The following KIAA1328 variants were observed in gnomAD, a reference collection of about 807,000 sequenced individuals.
KIAA1328 encodes the protein KIAA1328.
In KIAA1328, 52 loss-of-function variants were observed where a neutral mutation model predicts 68.1. That is an observed-to-expected ratio of 0.76 (90% CI 0.61 to 0.96). The LOEUF is 0.96. Among genes scored for constraint, KIAA1328 ranks in the 40% least tolerant of loss-of-function variants. The pLI is 0.00. For synonymous variants in KIAA1328, 232 were observed against 239.4 expected, an observed-to-expected ratio of 0.97 and a Z score of 0.28; for missense variants, 641 against 677.6, an observed-to-expected ratio of 0.95 and a Z score of 0.60.
intron 7 of KIAA1328, among the ~76,000 whole-genome samples, chr18:37,156,198 G>A (rs1469957271): frequency 6.6e-6 from 1 of 151,896 alleles, no homozygotes; most frequent in Non-Finnish European, 1.5e-5. Flanking sequence ...CCTGAGGTCG[G>A]GAGTTCGAGA....
At chr18:36,985,084 T>C (rs1229241364) in intron 6 of KIAA1328, among the ~76,000 whole-genome samples, 1 of 151,992 alleles carries the variant, frequency 6.6e-6, no homozygotes, top group East Asian at 1.9e-4. Context: ...GGAGGATTAC[T>C]TGAGGGTAGG....
intron 6 of KIAA1328, among the ~76,000 whole-genome samples, chr18:36,971,337 A>G (rs1309575484): frequency 2.0e-5 from 3 of 152,228 alleles, no homozygotes; most frequent in Admixed American, 6.5e-5. Flanking sequence ...CTAAAACCAT[A>G]AAAACCCTAG....
chr18:37,101,248 C>A lies in KIAA1328; in HGVS notation c.1232+33703C>A, dbSNP rs190230656. Reference sequence around the variant, plus strand: ...TAAAGGAGGAAGTTCGAAGCCATGGCAAAGAAGTTAAAAACCTTGAAAAAA... The same window carrying A: ...TAAAGGAGGAAGTTCGAAGCCATGGAAAAGAAGTTAAAAACCTTGAAAAAA... On this transcript the variant is annotated intron_variant, in intron 7 of 9. Transcript: ENST00000280020. Among the ~76,000 whole-genome samples, 73 of 152,020 alleles carry A rather than the reference C, an allele frequency of 4.8e-4. No individual in the cohort carries two copies. In the East Asian group the frequency reaches 0.012, roughly 25 times the overall value.
At chr18:37,005,833 G>C (rs2053760850) in intron 6 of KIAA1328, among the ~76,000 whole-genome samples, 1 of 152,054 alleles carries the variant, frequency 6.6e-6, no homozygotes, top group African/African-American at 2.4e-5. Context: ...ATTATCTTAA[G>C]TGAAATAAGG....
chr18:36,833,653 C>T (rs1470388913), intron 1 of KIAA1328, among the ~76,000 whole-genome samples: 1 of 152,144 alleles, frequency 6.6e-6, no homozygotes, highest in African/African-American at 2.4e-5. Context: ...TTGCAATAAT[C>T]CTGGGAGAGG....
intron 7 of KIAA1328, among the ~76,000 whole-genome samples, chr18:37,115,215 A>G (rs2058069236): frequency 6.6e-6 from 1 of 152,182 alleles, no homozygotes; most frequent in Admixed American, 6.5e-5. Context: ...TGACAAAGAA[A>G]GAGATTTTTA....
chr18:37,175,133 C>T (rs2059575459), intron 9 of KIAA1328, among the ~76,000 whole-genome samples: 1 of 152,100 alleles, frequency 6.6e-6, no homozygotes, highest in Non-Finnish European at 1.5e-5. Context: ...TTGAGGGATT[C>T]ATTTGGAGGA....
chr18:37,225,715 T>A (rs1342800426), downstream of KIAA1328, among the ~76,000 whole-genome samples: 1 of 152,226 alleles, frequency 6.6e-6, no homozygotes, highest in East Asian at 1.9e-4. Context: ...CTTTAGTTGC[T>A]GGAAGAATGT....
chr18:37,153,624 CTTTTTTTT>C (rs772159270), intron 7 of KIAA1328, among the ~76,000 whole-genome samples: 1 of 95,676 alleles, frequency 1.0e-5, no homozygotes, highest in African/African-American at 4.2e-5. Flanking sequence ...AATCCAATAG[CTTTTTTTT>C]TTTTTTTTTT....
At chr18:36,873,255 A>G (rs1282631243) in intron 4 of KIAA1328, among the ~76,000 whole-genome samples, 2 of 152,192 alleles carry the variant, frequency 1.3e-5, no homozygotes, top group Non-Finnish European at 2.9e-5. Flanking sequence ...AAATCTCCTT[A>G]AGTAAATCAG....
At chr18:37,081,760 A>T (rs1251092040) in intron 7 of KIAA1328, among the ~76,000 whole-genome samples, 1 of 152,076 alleles carries the variant, frequency 6.6e-6, no homozygotes, top group African/African-American at 2.4e-5. Flanking sequence ...TGCATCCTTC[A>T]TGTTTCTTTC....
intron 9 of KIAA1328, among the ~76,000 whole-genome samples, chr18:37,206,174 G>A (rs1014216135): frequency 6.6e-6 from 1 of 152,088 alleles, no homozygotes; most frequent in East Asian, 1.9e-4. Flanking sequence ...GGAGCCAAGG[G>A]AACAAGCAGA....
At chr18:36,933,828 C>A (rs1395315698) in intron 5 of KIAA1328, among the ~76,000 whole-genome samples, 5 of 152,180 alleles carry the variant, frequency 3.3e-5, no homozygotes, top group African/African-American at 1.2e-4. Context: ...GTCAGGAGAG[C>A]CTACAGAACA....
intron 6 of KIAA1328, among the ~76,000 whole-genome samples, chr18:36,996,294 C>T (rs958513921): frequency 6.6e-5 from 10 of 152,148 alleles, no homozygotes; most frequent in Non-Finnish European, 1.3e-4. Flanking sequence ...ATGTAATTCT[C>T]AGTTTAACCT....
At position 37,081,130 on chromosome 18, in the gene KIAA1328, C is replaced by CCT. The variant is rs1284485663; in HGVS notation, c.1232+13585_1232+13586insCT. On this transcript the variant is annotated intron_variant, in intron 7 of 9. Transcript: ENST00000280020. ...CCGAGTAGCTGGGATTGCAGGCACG[C>CCT]ACCACCACACCAGGCTAATTTTTGT... Among the ~76,000 whole-genome samples the CCT allele has an allele frequency of 1.0e-3, 155 of 152,036 alleles. 2 individuals are homozygous for CCT. The highest frequency in any genetic ancestry group is 3.7e-3 in the African/African-American group (153 of 41,504).
downstream of KIAA1328, chr18:37,232,093 G>A (rs1327890380): frequency 6.6e-6 from 1 of 152,190 alleles, no homozygotes; most frequent in Non-Finnish European, 1.5e-5. Context: ...TAACTCGAGT[G>A]CTAGAAGTGT....
intron 5 of KIAA1328, among the ~76,000 whole-genome samples, chr18:36,888,089 G>A (rs745503723): frequency 1.3e-5 from 2 of 152,158 alleles, no homozygotes; most frequent in Non-Finnish European, 2.9e-5. Flanking sequence ...GCTGTGAATG[G>A]TTTCTTTTGT....
intron 9 of KIAA1328, among the ~76,000 whole-genome samples, chr18:37,175,818 G>A (rs1434427391): frequency 6.6e-6 from 1 of 152,158 alleles, no homozygotes; most frequent in Middle Eastern, 3.2e-3. Flanking sequence ...AAGGGAACAA[G>A]AGTAAAAGCT....
intron 9 of KIAA1328, 52 bp from the exon 10 acceptor site, chr18:37,221,965 T>G: frequency 6.4e-7 from 1 of 1,558,428 alleles, no homozygotes; most frequent in Non-Finnish European, 8.7e-7. Context: ...CTTCTTGAAT[T>G]CTCATTTTCT....
Sources: allele counts gnomAD v4.1 joint callset (sites outside exome capture counted in the v4.1 genomes callset), GRCh38; gene constraint gnomAD v4.1.1; transcripts MANE v1.5; gene names NCBI Gene and HGNC (gene_info 2026-07-23, HGNC 2026-07-21).